Variants in HOOK2 observed in about 807,000 individuals in gnomAD.
The protein encoded by HOOK2 is protein Hook homolog 2.
A neutral mutation model predicts 111.9 loss-of-function variants in HOOK2; 108 were observed. The observed-to-expected ratio is 0.96, with a 90% CI of 0.83 to 1.13. The LOEUF (loss-of-function observed/expected upper bound fraction) is 1.13. Among genes scored for constraint, HOOK2 ranks in the 50% most tolerant of loss-of-function variants. The pLI is 0.00. For missense variants in HOOK2, 978 were observed against 951.3 expected, an observed-to-expected ratio of 1.03 and a Z score of -0.37; for synonymous variants, 405 against 394.3, an observed-to-expected ratio of 1.03 and a Z score of -0.32.
At position 12,772,909 on chromosome 19, in the gene HOOK2, G is replaced by C; in HGVS notation, c.259C>G (p.Leu87Val). 6.2e-7 allele frequency: 1 copy of C among 1,614,220 alleles called. No homozygotes were observed. The highest frequency in any genetic ancestry group is 8.5e-7 in the Non-Finnish European group (1 of 1,180,042). The change falls in exon 5 of 23, where the codon CTG becomes GTG. Residue 87 changes from leucine (L) to valine (V), a missense_variant. Coordinates refer to ENST00000397668, the MANE Select transcript of HOOK2 (RefSeq NM_013312.3). Reference sequence around the variant, plus strand: ...TGCTCTTCTGACACAGGATGCGCCAGGACCTGGGGAGAAGGGGGTGTCAGG... The same window carrying C: ...TGCTCTTCTGACACAGGATGCGCCACGACCTGGGGAGAAGGGGGTGTCAGG... ...RSLVEYSQDVLAHPVSEEHLP... is the reference protein window; with the variant it reads ...RSLVEYSQDVVAHPVSEEHLP...
Position 12,791,642 on chromosome 19 carries a change from C to A in HOOK2, n.42-17417G>T. 1 of 630,522 alleles carries A rather than the reference C, an allele frequency of 1.6e-6. No individual in the cohort carries two copies. The highest frequency in any genetic ancestry group is 2.5e-6 in the Non-Finnish European group (1 of 392,284). 39.1% of individuals were successfully genotyped at this position (630,522 alleles called of 1,614,324 possible). A position where few individuals can be genotyped will look rare whatever the true frequency, so the allele number is the denominator to read the frequency against. On this transcript the variant is annotated intron_variant and non_coding_transcript_variant, in intron 3 of 3. Transcript: ENST00000589765. The surrounding 1 kb of genome is among the most constrained non-coding windows in gnomAD (Gnocchi z 7.0). ...CAGCTGCCGGCTGGCTGCTACCCGC[C>A]CGCGCCAGCCCCCGAGAACGCGCGA...
rs368427790 is a variant in HOOK2 at position 12,763,398 on chromosome 19, G to T, written c.2044C>A (p.Arg682=). The change falls in exon 23 of 23, where the codon CGG becomes AGG. Residue 682 remains arginine (R), a synonymous_variant. Coordinates refer to ENST00000397668, the MANE Select transcript of HOOK2 (RefSeq NM_013312.3). ...MALQQRAGEE[R]APAHAQSFLA... ...AATGACTGGGCATGGGCAGGCGCCC[G>T]CTCCTCCCCAGCTCGCTGCTGCAAG... 3 of 1,613,858 alleles carry T rather than the reference G, an allele frequency of 1.9e-6. No homozygotes were observed. The highest frequency in any genetic ancestry group is 1.7e-5 in the Admixed American group (1 of 60,008).
In HOOK2 at chr19:12,771,443, T is replaced by C. The variant is rs200838676; in HGVS notation, c.554A>G (p.Glu185Gly). 6.6e-5 allele frequency: 106 copies of C among 1,613,400 alleles called. No homozygotes were observed. In the African/African-American group the frequency reaches 1.3e-3, roughly 20 times the overall value. ...RRYYFLSEEA[E>G]EGDELQQRCL... ...GCGCTGCTGTAATTCGTCCCCCTCC[T>C]CAGCCTCCTCACTTAGGAAATAGTA... Residue 185 changes from glutamate (E) to glycine (G), a missense_variant, in exon 8 of 23, where the codon GAG (glutamate) becomes GGG (glycine). Around this residue, in one of 5 missense-constraint regions of HOOK2, gnomAD observed 301 missense variants for 286.1 expected, o/e 1.05. Coordinates refer to ENST00000397668, the MANE Select transcript of HOOK2 (RefSeq NM_013312.3).
chr19:12,783,314 C>A (rs916878525), upstream of HOOK2, among the ~76,000 whole-genome samples: 1 of 150,976 alleles, frequency 6.6e-6, no homozygotes, highest in East Asian at 1.9e-4. Flanking sequence ...GCGCCCCCCC[C>A]AACTCCGCCT....
chr19:12,789,549 C>T (rs1375531955), intron 3 of HOOK2, among the ~76,000 whole-genome samples: 2 of 152,178 alleles, frequency 1.3e-5, no homozygotes, highest in African/African-American at 4.8e-5. Context: ...GTGTTGGGGA[C>T]GGAGCTCCAG....
rs2305376 is a variant in HOOK2, at chr19:12,775,422, C to T, written c.28G>A (p.Gly10Arg). Residue 10 changes from glycine (G) to arginine (R), a missense_variant, in exon 1 of 23, where the codon GGG (glycine) becomes AGG (arginine). Transcript: ENST00000397668. The part of the protein sequence containing the change: MSVDKAELC[G>R]SLLTWLQTFH... ...CGACCTACCCAGGTGAGCAGAGACC[C>T]GCATAGCTCAGCTTTGTCCACGCTC... The T allele has an allele frequency of 4.2e-3, 6,755 of 1,612,798 alleles. 184 individuals carry two copies. In the East Asian group the frequency reaches 0.067, roughly 16 times the overall value.
intron 3 of HOOK2, among the ~76,000 whole-genome samples, chr19:12,787,631 CA>C (rs903540524): frequency 3.2e-4 from 48 of 151,280 alleles, no homozygotes; most frequent in Non-Finnish European, 6.9e-4. Context: ...TATTTTGTCT[CA>C]AAAAAACAAA....
At chr19:12,792,083 A>C in intron 3 of HOOK2, 1 of 1,602,020 alleles carries the variant, frequency 6.2e-7, no homozygotes, top group Non-Finnish European at 8.5e-7. Flanking sequence ...CGACGCCTAC[A>C]CCCCCGGGAC....
intron 14 of HOOK2, among the ~76,000 whole-genome samples, chr19:12,767,128 G>A (rs1243243239): frequency 6.6e-6 from 1 of 152,206 alleles, no homozygotes; most frequent in Admixed American, 6.5e-5. Flanking sequence ...CAAAGTCAGC[G>A]GGGCTAGGGC....
chr19:12,769,795 G>C, intron 11 of HOOK2, 86 bp downstream of exon 11: 6 of 1,107,038 alleles, frequency 5.4e-6, no homozygotes, highest in Non-Finnish European at 7.2e-6. Context: ...TAAGGGAGGG[G>C]ATCAGGGGTG....
At chr19:12,769,844 G>T in intron 11 of HOOK2, 37 bp downstream of exon 11, 1 of 1,374,426 alleles carries the variant, frequency 7.3e-7, no homozygotes, top group Non-Finnish European at 9.3e-7. Context: ...TTGCTGCCAG[G>T]GGCGGGGCCC....
chr19:12,766,173 G>T lies in HOOK2; in HGVS notation c.1441C>A (p.Arg481=). The T allele has an allele frequency of 6.3e-7, 1 of 1,597,996 alleles. No individual in the cohort carries two copies. Among genetic ancestry groups the T allele is most frequent in the Admixed American group, 1.7e-5 (1 of 59,724 alleles). Reference sequence around the variant, plus strand: ...AGGTGGCGCTGCAGCTCCTCCTGCCGCTCCCGGTCGGCCGCCTCCTGCCTG... The same window carrying T: ...AGGTGGCGCTGCAGCTCCTCCTGCCTCTCCCGGTCGGCCGCCTCCTGCCTG... ...LCRQEAADRE[R]QEELQRHLED... Residue 481 remains arginine (R), a synonymous_variant, in exon 15 of 23, where the codon CGG becomes AGG. Transcript: ENST00000397668.
chr19:12,783,629 A>G (rs1359004430), intron 3 of HOOK2, among the ~76,000 whole-genome samples: 1 of 151,974 alleles, frequency 6.6e-6, no homozygotes, highest in Admixed American at 6.6e-5. Context: ...GCTGGGTTCA[A>G]ATCCTGTCTC....
intron 5 of HOOK2, 24 bp downstream of exon 5, chr19:12,772,756 G>T: frequency 6.2e-7 from 1 of 1,613,530 alleles, no homozygotes; most frequent in East Asian, 2.2e-5. Flanking sequence ...GGCCAGCCCT[G>T]GGGACCCCCT....
Position 12,770,922 on chromosome 19 carries a change from C to T in HOOK2, c.902+10G>A, listed in dbSNP as rs1422527697. ...CCCCCGTGATGGGGACCCAGGAACC[C>T]ACCACTCACCGTAGTTCATCCATCT... is the stretch of plus-strand genomic sequence containing the variant. On this transcript the variant is annotated intron_variant, in intron 10 of 22. Coordinates refer to ENST00000397668, the MANE Select transcript of HOOK2 (RefSeq NM_013312.3). The T allele has an allele frequency of 3.8e-6, 6 of 1,589,462 alleles. No individual in the cohort carries two copies. Among genetic ancestry groups the T allele is most frequent in the Non-Finnish European group, 5.2e-6 (6 of 1,161,980 alleles).
At chr19:12,777,090 G>C (rs776180287), upstream of HOOK2, among the ~76,000 whole-genome samples, 2 of 151,908 alleles carry the variant, frequency 1.3e-5, no homozygotes, top group East Asian at 3.9e-4. Context: ...CCAAGAGGCG[G>C]AGGTTGCAGT....
At chr19:12,776,687 A>AAG (rs1968522237), upstream of HOOK2, among the ~76,000 whole-genome samples, 1 of 151,038 alleles carries the variant, frequency 6.6e-6, no homozygotes, top group Non-Finnish European at 1.5e-5. Flanking sequence ...AAAAAAAAAA[A>AAG]AAAAATTAGC....
rs1236147294 is a variant in HOOK2, at chr19:12,771,066, C to G, written c.768G>C (p.Glu256Asp). ...EQLQEENFRL[E>D]SGREDERLRC... ...GCAGGCGCTCATCCTCCCTGCCACT[C>G]TCCAGCCTGGGGGTGTTGGGGGAAG... Residue 256 changes from glutamate to aspartate, a missense_variant, in exon 10 of 23, where the codon GAG becomes GAC. Physicochemically the swap from Glu to Asp is conservative, Grantham distance 45 (BLOSUM62 2). Around this residue, in one of 5 missense-constraint regions of HOOK2, gnomAD observed 388 missense variants for 358.3 expected, o/e 1.08. Transcript: ENST00000397668. 6.2e-7 allele frequency: 1 copy of G among 1,612,708 alleles called. No individual in the cohort carries two copies. Among genetic ancestry groups the G allele is most frequent in the Non-Finnish European group, 8.5e-7 (1 of 1,179,102 alleles).
At chr19:12,774,921 GGAAA>G in intron 1 of HOOK2, 24 bp from the exon 2 acceptor site, 1 of 1,605,734 alleles carries the variant, frequency 6.2e-7, no homozygotes. Context: ...GAAAGGACAA[GGAAA>G]GAGTTAGGGC....
Sources: allele counts gnomAD v4.1 joint callset (sites outside exome capture counted in the v4.1 genomes callset), GRCh38; gene constraint gnomAD v4.1.1; regional missense constraint gnomAD v4.1.1; non-coding constraint Gnocchi (gnomAD v3.1); transcripts MANE v1.5; gene names NCBI Gene and HGNC (gene_info 2026-07-23, HGNC 2026-07-21).